RDX: variants seen among roughly 807,000 people sequenced by gnomAD.
The protein encoded by RDX is deafness, autosomal recessive 24.
Under a neutral mutation model 83.7 loss-of-function variants are expected in RDX, and 32 were observed. The ratio of observed to expected loss-of-function variants is 0.38; its 90% CI spans 0.29 to 0.51. The LOEUF is 0.51. RDX is among the 20% of genes least tolerant of loss of function. RDX has a pLI of 0.87. For missense variants in RDX, 600 were observed against 689.9 expected, an observed-to-expected ratio of 0.87 and a Z score of 1.46; for synonymous variants, 229 against 222.7, an observed-to-expected ratio of 1.03 and a Z score of -0.25.
intron 12 of RDX, 113 bp from the exon 13 acceptor site, chr11:110,233,592 C>T: frequency 8.9e-7 from 1 of 1,123,464 alleles, no homozygotes; most frequent in Non-Finnish European, 1.3e-6. Flanking sequence ...TGAAAATAGG[C>T]CCTATTTATG....
At chr11:110,183,378 A>G (rs1862925679) in intron 15 of RDX, among the ~76,000 whole-genome samples, 1 of 152,248 alleles carries the variant, frequency 6.6e-6, no homozygotes, top group Non-Finnish European at 1.5e-5. Flanking sequence ...CCCAGGCTGG[A>G]GTACAGCGGC....
chr11:110,204,019 G>C (rs1000615423), intron 14 of RDX, among the ~76,000 whole-genome samples: 1 of 150,772 alleles, frequency 6.6e-6, no homozygotes, highest in East Asian at 2.0e-4. Flanking sequence ...TCCAGCCTGA[G>C]TGACAGAGTG....
chr11:110,268,790 T>C (rs1860167676), intron 3 of RDX, among the ~76,000 whole-genome samples: 1 of 151,946 alleles, frequency 6.6e-6, no homozygotes, highest in African/African-American at 2.4e-5. Flanking sequence ...TTAATTAATA[T>C]ATTTTAGTGA....
chr11:110,251,277 ACT>A (rs149049925), intron 9 of RDX, among the ~76,000 whole-genome samples: 49 of 152,302 alleles, frequency 3.2e-4, no homozygotes, highest in African/African-American at 1.1e-3. Flanking sequence ...AGAATATCTT[ACT>A]TTTTAAAGAT....
At chr11:110,296,115 C>T (rs1861445698) in intron 1 of RDX, among the ~76,000 whole-genome samples, 1 of 152,236 alleles carries the variant, frequency 6.6e-6, no homozygotes, top group Non-Finnish European at 1.5e-5. Flanking sequence ...CCCACCGTCC[C>T]CAGGGCGCTG....
intron 14 of RDX, chr11:110,199,722 G>A: frequency 1.4e-6 from 1 of 702,924 alleles, no homozygotes; most frequent in East Asian, 2.7e-5. Context: ...TTTAGCAAAA[G>A]AACACAGTAG....
chr11:110,286,367 A>G lies in RDX; in HGVS notation c.-64-6611T>C, dbSNP rs539145570. ...AACACAGTGCCACACATTAGAGACA[A>G]CATAGACACAATAAACATTCTCTCC... On this transcript the variant is annotated intron_variant, in intron 1 of 13. Coordinates refer to ENST00000645495, the MANE Select transcript of RDX (RefSeq NM_002906.4). Among the ~76,000 whole-genome samples, 3 of 152,370 alleles carry G rather than the reference A, an allele frequency of 2.0e-5. No homozygotes were observed. The East Asian group carries it at 5.8e-4, about 29-fold the overall frequency.
downstream of RDX, among the ~76,000 whole-genome samples, chr11:110,226,502 T>C (rs1163294958): frequency 6.6e-6 from 1 of 152,170 alleles, no homozygotes; most frequent in Non-Finnish European, 1.5e-5. Context: ...TACCATTTAA[T>C]GGGTACAGGC....
intron 12 of RDX, among the ~76,000 whole-genome samples, chr11:110,235,615 G>C (rs1220774297): frequency 6.6e-6 from 1 of 152,184 alleles, no homozygotes; most frequent in African/African-American, 2.4e-5. Context: ...TGCTGTAGCA[G>C]AGCATTTATT....
intron 13 of RDX, among the ~76,000 whole-genome samples, chr11:110,232,702 C>T (rs776647608): frequency 6.6e-6 from 1 of 152,122 alleles, no homozygotes; most frequent in Non-Finnish European, 1.5e-5. Context: ...CTCACTGCAA[C>T]CTCCACCTCC....
chr11:110,220,709 G>C (rs1864213892), intron 14 of RDX, among the ~76,000 whole-genome samples: 1 of 151,938 alleles, frequency 6.6e-6, no homozygotes, highest in Non-Finnish European at 1.5e-5. Context: ...TGTTGGCCAG[G>C]CTGGTCTCGA....
intron 15 of RDX, among the ~76,000 whole-genome samples, chr11:110,178,029 ACCATCTGC>A (rs1331780043): frequency 6.6e-6 from 1 of 151,998 alleles, no homozygotes; most frequent in Non-Finnish European, 1.5e-5. Flanking sequence ...TCCCAGGTCC[ACCATCTGC>A]CCTCCCCACC....
intron 1 of RDX, among the ~76,000 whole-genome samples, chr11:110,291,895 G>T (rs1332077761): frequency 1.3e-5 from 2 of 152,090 alleles, no homozygotes; most frequent in Non-Finnish European, 2.9e-5. Flanking sequence ...ACTTCAGGAG[G>T]CCGAGGCAGA....
At chr11:110,179,763 TTCTG>T in intron 15 of RDX, 2 of 314,060 alleles carry the variant, frequency 6.4e-6, no homozygotes, top group Non-Finnish European at 1.3e-5. Flanking sequence ...CAGAGCAAGA[TTCTG>T]TCTAAAAAAC....
At position 110,279,677 on chromosome 11, in the gene RDX, T is replaced by G; in HGVS notation, c.12+4A>C. Reference sequence around the variant, plus strand: ...CACTGTCAAATGTAATAAAATACACTTACTGGTTTCGGCATTTTCTTTCTC... The same window carrying G: ...CACTGTCAAATGTAATAAAATACACGTACTGGTTTCGGCATTTTCTTTCTC... On this transcript the variant is annotated splice_donor_region_variant and intron_variant, in intron 2 of 13. Coordinates refer to ENST00000645495, the MANE Select transcript of RDX (RefSeq NM_002906.4). 1 of 1,527,582 alleles carries G rather than the reference T, an allele frequency of 6.5e-7. No homozygotes were observed. The highest frequency in any genetic ancestry group is 9.1e-7 in the Non-Finnish European group (1 of 1,102,854). The allele number at this position is 1,527,582 out of a possible 1,614,324, so 94.6% of individuals were successfully genotyped here. A position where few individuals can be genotyped will look rare whatever the true frequency, so the allele number is the denominator to read the frequency against.
At position 110,255,402 on chromosome 11, in the gene RDX, A is replaced by T. The variant is rs766719570; in HGVS notation, c.699-17T>A. ...GGTGTTAACCTTAAAAAATGAAAGCATCTCCTTAATTAAAGGCAGGAAACA... is the reference window on the plus strand; with the variant it reads ...GGTGTTAACCTTAAAAAATGAAAGCTTCTCCTTAATTAAAGGCAGGAAACA... On this transcript the variant is annotated splice_polypyrimidine_tract_variant and intron_variant, in intron 7 of 13. Coordinates refer to ENST00000645495, the MANE Select transcript of RDX (RefSeq NM_002906.4). 8.0e-7 allele frequency: 1 copy of T among 1,245,330 alleles called. No individual in the cohort carries two copies. Among genetic ancestry groups the T allele is most frequent in the Non-Finnish European group, 1.2e-6 (1 of 844,252 alleles). The allele number at this position is 1,245,330 out of a possible 1,614,324, so 77.1% of individuals were successfully genotyped here.
At chr11:110,211,810 G>T (rs747323933) in intron 14 of RDX, among the ~76,000 whole-genome samples, 4 of 151,832 alleles carry the variant, frequency 2.6e-5, no homozygotes, top group Non-Finnish European at 5.9e-5. Flanking sequence ...CAACATACCA[G>T]AATCTGTGAG....
At chr11:110,234,327 C>T (rs1309558406) in intron 12 of RDX, among the ~76,000 whole-genome samples, 1 of 152,096 alleles carries the variant, frequency 6.6e-6, no homozygotes, top group Non-Finnish European at 1.5e-5. Flanking sequence ...GAGAAACTGC[C>T]CTCCATTAAA....
chr11:110,291,126 A>G (rs1010849025), intron 1 of RDX, among the ~76,000 whole-genome samples: 2 of 152,214 alleles, frequency 1.3e-5, no homozygotes, highest in Non-Finnish European at 2.9e-5. Context: ...CAGAAGTTTG[A>G]GACTAGCCTG....
Sources: allele counts gnomAD v4.1 joint callset (sites outside exome capture counted in the v4.1 genomes callset), GRCh38; gene constraint gnomAD v4.1.1; transcripts MANE v1.5; gene names NCBI Gene and HGNC (gene_info 2026-07-23, HGNC 2026-07-21).